HNF1B: variants seen among roughly 807,000 people sequenced by gnomAD.
HNF1B encodes the protein hepatocyte nuclear factor 1-beta.
Under a neutral mutation model 61.7 loss-of-function variants are expected in HNF1B, and 8 were observed. That is an observed-to-expected ratio of 0.13 (90% CI 0.08 to 0.23). The LOEUF (loss-of-function observed/expected upper bound fraction) is 0.23, where lower values mean the gene tolerates loss of function less well. Among genes scored for constraint, HNF1B ranks in the 10% least tolerant of loss-of-function variants. HNF1B has a pLI of 1.00. For missense variants in HNF1B, 562 were observed against 714.5 expected (o/e 0.79, Z 2.43); for synonymous variants, 314 against 287.7 (o/e 1.09, Z -0.93).
intron 4 of HNF1B, among the ~76,000 whole-genome samples, chr17:37,716,274 G>C (rs2033107142): frequency 6.6e-6 from 1 of 152,060 alleles, no homozygotes; most frequent in Admixed American, 6.5e-5. Context: ...CTCGGCTCAC[G>C]GCAACCTTCG....
intron 4 of HNF1B, chr17:37,729,496 A>G (rs1598838449): frequency 6.6e-6 from 1 of 151,866 alleles, no homozygotes; most frequent in Non-Finnish European, 1.5e-5. Flanking sequence ...TCAGTGTCCC[A>G]TAACTGTTGC....
intron 5 of HNF1B, 96 bp from the exon 6 acceptor site, chr17:37,705,145 T>A: frequency 7.9e-7 from 1 of 1,265,630 alleles, no homozygotes; most frequent in Non-Finnish European, 1.1e-6. Flanking sequence ...TTGGCATGAC[T>A]AGTTCTCAAA....
chr17:37,692,890 G>A (rs2032252721), intron 8 of HNF1B, among the ~76,000 whole-genome samples: 1 of 152,058 alleles, frequency 6.6e-6, no homozygotes, highest in South Asian at 2.1e-4. Flanking sequence ...CACTGAATTG[G>A]ATATTGAAAG....
chr17:37,715,879 C>T (rs972141339), intron 4 of HNF1B, among the ~76,000 whole-genome samples: 12 of 152,228 alleles, frequency 7.9e-5, no homozygotes, highest in Middle Eastern at 3.4e-3. Flanking sequence ...TGCCTGTAAT[C>T]CCAGCACTTT....
chr17:37,740,067 C>T (rs1320239793), intron 1 of HNF1B, among the ~76,000 whole-genome samples: 1 of 152,060 alleles, frequency 6.6e-6, no homozygotes, highest in Admixed American at 6.6e-5. Flanking sequence ...ATCCTGGGTT[C>T]AAGCGATTCT....
intron 5 of HNF1B, 144 bp from the exon 6 acceptor site, chr17:37,705,193 G>A: frequency 1.1e-6 from 1 of 946,246 alleles, no homozygotes; most frequent in South Asian, 1.5e-5. Flanking sequence ...TTATTGGCTG[G>A]GCATGGTGCT....
chr17:37,693,940 C>T (rs2032291084), intron 8 of HNF1B, among the ~76,000 whole-genome samples: 1 of 152,204 alleles, frequency 6.6e-6, no homozygotes, highest in Non-Finnish European at 1.5e-5. Context: ...GCCTATTCCC[C>T]CTTTACCTTC....
At chr17:37,730,528 C>T (rs535507585) in intron 4 of HNF1B, 11 of 152,338 alleles carry the variant, frequency 7.2e-5, no homozygotes, top group Admixed American at 6.5e-4. Flanking sequence ...AGGCATGGAA[C>T]AAATGCTTGT....
intron 4 of HNF1B, among the ~76,000 whole-genome samples, chr17:37,712,387 A>G (rs975135372): frequency 6.6e-6 from 1 of 151,686 alleles, no homozygotes; most frequent in Non-Finnish European, 1.5e-5. Context: ...CTGTGCACCT[A>G]TCTGCAGCCC....
At chr17:37,691,108 GAGAGATCAGCTGTGTC>G (rs1329094444) in intron 8 of HNF1B, among the ~76,000 whole-genome samples, 1 of 152,190 alleles carries the variant, frequency 6.6e-6, no homozygotes, top group Non-Finnish European at 1.5e-5. Flanking sequence ...AAAAAGGAGG[GAGAGATCAGCTGTGTC>G]AGAGACAGAG....
Position 37,744,915 on chromosome 17 carries a change from GGGGTGGGT to G in HNF1B, c.-39_-32del. ...AAGGACGGAAAAAGAAGGGGGTGAG[GGGGTGGGT>G]GGGTGCGAGAGAGGAGGGTGGAGGG... is the stretch of plus-strand genomic sequence containing the variant. On this transcript the variant is annotated 5_prime_UTR_variant, in exon 1 of 9. Coordinates refer to ENST00000617811, the MANE Select transcript of HNF1B (RefSeq NM_000458.4). 7.2e-7 allele frequency: 1 copy of G among 1,392,630 alleles called. No individual in the cohort carries two copies. Among genetic ancestry groups the G allele is most frequent in the Non-Finnish European group, 1.0e-6 (1 of 985,570 alleles). 86.3% of individuals were successfully genotyped at this position (1,392,630 alleles called of 1,614,324 possible). A position where few individuals can be genotyped will look rare whatever the true frequency, so the allele number is the denominator to read the frequency against.
intron 4 of HNF1B, among the ~76,000 whole-genome samples, chr17:37,716,842 A>ATCTCTATCTC (rs1491277443): frequency 6.1e-5 from 8 of 131,288 alleles, no homozygotes; most frequent in Non-Finnish European, 8.3e-5. Flanking sequence ...CACTTTAACA[A>ATCTCTATCTC]TCTCTCTCTC....
rs190059561 is a variant in HNF1B at position 37,743,080 on chromosome 17, A to T, written c.344+1461T>A. Among the ~76,000 whole-genome samples, 4 of 152,176 alleles carry T rather than the reference A, an allele frequency of 2.6e-5. No individual in the cohort carries two copies. In the East Asian group the frequency reaches 7.7e-4, roughly 29 times the overall value. On this transcript the variant is annotated intron_variant, in intron 1 of 8. Transcript: ENST00000617811. The stretch of plus-strand genomic sequence containing the variant: ...TTTATGTTACGTCTCAGCTGCGGCC[A>T]GCCCGGCGCGGGGCTGGGTGCGGAG...
chr17:37,730,447 C>T (rs2033648064), intron 4 of HNF1B: 1 of 152,372 alleles, frequency 6.6e-6, no homozygotes, highest in African/African-American at 2.4e-5. Flanking sequence ...CAGCACTGGC[C>T]CCACCTTCAT....
chr17:37,743,334 C>T (rs1374675845), intron 1 of HNF1B, among the ~76,000 whole-genome samples: 1 of 152,242 alleles, frequency 6.6e-6, no homozygotes. Context: ...AACTCTCTTG[C>T]AGGAGTTCTC....
chr17:37,737,849 A>G (rs534307915), intron 2 of HNF1B, among the ~76,000 whole-genome samples: 55 of 152,246 alleles, frequency 3.6e-4, no homozygotes, highest in African/African-American at 1.3e-3. Context: ...AGTTAAATAA[A>G]TAAATAAATA....
At position 37,700,866 on chromosome 17, in the gene HNF1B, G is replaced by C. The variant is rs1054779155; in HGVS notation, c.1534+117C>G. The C allele has an allele frequency of 3.3e-6, 3 of 905,026 alleles. No homozygotes were observed. In the African/African-American group the frequency reaches 4.9e-5, roughly 15 times the overall value. 56.1% of individuals were successfully genotyped at this position (905,026 alleles called of 1,614,324 possible). ...AAATTGTCTTAGTCGGTTGATCATA[G>C]GCAGGGAAAAGTGACCAAGCCAATA... On this transcript the variant is annotated intron_variant, in intron 7 of 8. Transcript: ENST00000617811.
chr17:37,699,267 A>G (rs1243632141), intron 7 of HNF1B, 73 bp from the exon 8 acceptor site: 2 of 1,079,462 alleles, frequency 1.9e-6, no homozygotes, highest in East Asian at 4.7e-5. Context: ...CCCCCATCCC[A>G]CACCATAGCT....
intron 4 of HNF1B, among the ~76,000 whole-genome samples, chr17:37,722,790 C>T (rs1352270505): frequency 2.6e-5 from 4 of 152,120 alleles, no homozygotes; most frequent in African/African-American, 7.2e-5. Flanking sequence ...CTGAAGCAGA[C>T]GCATGCTCAC....
Sources: allele counts gnomAD v4.1 joint callset (sites outside exome capture counted in the v4.1 genomes callset), GRCh38; gene constraint gnomAD v4.1.1; transcripts MANE v1.5; gene names NCBI Gene and HGNC (gene_info 2026-07-23, HGNC 2026-07-21).